Variants in OSBPL10 observed in about 807,000 individuals in gnomAD.
OSBPL10 encodes oxysterol-binding protein-related protein 10.
OSBPL10 carries 49 observed loss-of-function variants against 81.7 expected under a neutral mutation model. That is an observed-to-expected ratio of 0.60 (90% CI 0.48 to 0.76). The LOEUF is 0.76. OSBPL10 is among the 30% of genes least tolerant of loss of function. OSBPL10 has a pLI of 0.00. For missense variants in OSBPL10, 923 were observed against 987.8 expected (o/e 0.93, Z 0.88); for synonymous variants, 419 against 383.6 (o/e 1.09, Z -1.08).
intron 1 of OSBPL10, among the ~76,000 whole-genome samples, chr3:31,965,062 T>C (rs1698276433): frequency 6.6e-6 from 1 of 152,020 alleles, no homozygotes; most frequent in African/African-American, 2.4e-5. Flanking sequence ...ATCATCAAGA[T>C]AGAACATATT....
chr3:31,677,374 C>G (rs1422544756), intron 8 of OSBPL10, among the ~76,000 whole-genome samples: 1 of 152,114 alleles, frequency 6.6e-6, no homozygotes, highest in East Asian at 1.9e-4. Flanking sequence ...AACTCAAGGC[C>G]TCACAAGAAC....
At chr3:32,016,061 A>G (rs554403690) in intron 2 of OSBPL10, among the ~76,000 whole-genome samples, 11 of 152,338 alleles carry the variant, frequency 7.2e-5, no homozygotes, top group East Asian at 5.8e-4. Flanking sequence ...ATCTAGAACT[A>G]GAAATACCAT....
intron 4 of OSBPL10, among the ~76,000 whole-genome samples, chr3:31,777,508 G>A (rs1014867293): frequency 3.9e-5 from 6 of 152,320 alleles, no homozygotes; most frequent in Non-Finnish European, 7.3e-5. Context: ...ACAGGAGATA[G>A]GACTGACATG....
chr3:31,994,282 G>C (rs1217820754), intron 2 of OSBPL10, among the ~76,000 whole-genome samples: 2 of 152,174 alleles, frequency 1.3e-5, no homozygotes, highest in African/African-American at 4.8e-5. Flanking sequence ...AACGTGGGTG[G>C]AGTGATGGAA....
chr3:31,667,390 C>T (rs531932707), intron 10 of OSBPL10, among the ~76,000 whole-genome samples: 2 of 152,346 alleles, frequency 1.3e-5, no homozygotes, highest in East Asian at 1.9e-4. Flanking sequence ...CAAGAGTGTA[C>T]TAATTCTACA....
chr3:31,929,843 T>C lies in OSBPL10; in HGVS notation c.282-50013A>G, dbSNP rs576334440. 1.8e-3 allele frequency among the ~76,000 whole-genome samples: 275 copies of C among 150,976 alleles called. 1 individual carries two copies. Among genetic ancestry groups the C allele is most frequent in the African/African-American group, 6.4e-3 (265 of 41,118 alleles). ...GATACATGGTCAACAGATACAGCCA[T>C]AGTTCACAGGCTGGGCATGGCGACT... On this transcript the variant is annotated intron_variant, in intron 1 of 11. Transcript: ENST00000396556.
At chr3:31,957,195 A>G (rs913434981) in intron 1 of OSBPL10, among the ~76,000 whole-genome samples, 3 of 152,208 alleles carry the variant, frequency 2.0e-5, no homozygotes, top group Non-Finnish European at 4.4e-5. Context: ...CCAGGGATGT[A>G]CAAAGGCAGA....
intron 2 of OSBPL10, among the ~76,000 whole-genome samples, chr3:32,042,782 T>A (rs1327098234): frequency 6.6e-6 from 1 of 151,868 alleles, no homozygotes; most frequent in Non-Finnish European, 1.5e-5. Flanking sequence ...GGTCACAAGA[T>A]CACATGCTTC....
At chr3:31,676,560 A>G (rs115393186) in intron 8 of OSBPL10, among the ~76,000 whole-genome samples, 2,393 of 152,318 alleles carry the variant, frequency 0.016, 66 homozygotes, top group African/African-American at 0.052. Context: ...AATCTGAGGA[A>G]CCAAAATATT....
intron 4 of OSBPL10, among the ~76,000 whole-genome samples, chr3:31,783,983 A>G (rs1214568442): frequency 6.6e-6 from 1 of 150,898 alleles, no homozygotes; most frequent in Non-Finnish European, 1.5e-5. Flanking sequence ...CTATAAACCA[A>G]ATGATAACAA....
At chr3:31,895,244 A>G (rs11706937) in intron 1 of OSBPL10, among the ~76,000 whole-genome samples, 3,568 of 143,930 alleles carry the variant, frequency 0.025, 68 homozygotes, top group South Asian at 0.053. Context: ...CCATTCTCCT[A>G]CCTCAGCCTC....
At chr3:31,860,641 A>G in intron 3 of OSBPL10, among the ~76,000 whole-genome samples, 1 of 152,136 alleles carries the variant, frequency 6.6e-6, no homozygotes, top group East Asian at 1.9e-4. Flanking sequence ...TACTCAAAAC[A>G]CTGTTAAAAA....
chr3:31,916,744 G>A (rs1696768880), intron 1 of OSBPL10, among the ~76,000 whole-genome samples: 1 of 152,104 alleles, frequency 6.6e-6, no homozygotes, highest in Admixed American at 6.6e-5. Context: ...TTACTTCTCA[G>A]GCACCTGTTA....
intron 1 of OSBPL10, among the ~76,000 whole-genome samples, chr3:31,894,506 G>A (rs1695998459): frequency 6.6e-6 from 1 of 152,170 alleles, no homozygotes. Flanking sequence ...TTTATTTCTA[G>A]ATTCATGGAT....
At chr3:31,857,729 T>C (rs1272481886) in intron 3 of OSBPL10, among the ~76,000 whole-genome samples, 4 of 12,286 alleles carry the variant, frequency 3.3e-4, no homozygotes, top group East Asian at 2.1e-3. Context: ...ACAGCACCCC[T>C]GGCAACCACT....
intron 4 of OSBPL10, among the ~76,000 whole-genome samples, chr3:31,809,702 G>GA (rs1699623394): frequency 6.6e-6 from 1 of 152,088 alleles, no homozygotes; most frequent in African/African-American, 2.4e-5. Context: ...TGTAGTTCTG[G>GA]AATATGAATG....
At chr3:31,862,129 A>T (rs1245345662) in intron 3 of OSBPL10, among the ~76,000 whole-genome samples, 1 of 152,166 alleles carries the variant, frequency 6.6e-6, no homozygotes, top group East Asian at 1.9e-4. Flanking sequence ...CCTCTATCAA[A>T]ATATCTCACG....
intron 7 of OSBPL10, among the ~76,000 whole-genome samples, chr3:31,688,079 G>A (rs1165008627): frequency 6.6e-6 from 1 of 151,946 alleles, no homozygotes; most frequent in Non-Finnish European, 1.5e-5. Flanking sequence ...GGAGATCGTT[G>A]CAATGAAGGA....
intron 6 of OSBPL10, among the ~76,000 whole-genome samples, chr3:31,706,166 C>T (rs940302937): frequency 3.3e-5 from 5 of 152,096 alleles, no homozygotes; most frequent in South Asian, 2.1e-4. Flanking sequence ...GAACGATAAG[C>T]GAAAAATCAA....
Sources: gnomAD v4.1 joint callset for allele counts (sites outside exome capture counted in the v4.1 genomes callset) on GRCh38, gnomAD v4.1.1 for gene constraint, MANE v1.5 for transcripts, NCBI Gene and HGNC (gene_info 2026-07-23, HGNC 2026-07-21) for gene names.